SEPTIN4: variants seen among roughly 807,000 people sequenced by gnomAD.
SEPTIN4 encodes septin-4.
In SEPTIN4, 52 loss-of-function variants were observed where a neutral mutation model predicts 107.1. The observed-to-expected ratio is 0.49, with a 90% confidence interval of 0.39 to 0.61. The LOEUF is 0.61. SEPTIN4 is among the 20% of genes least tolerant of loss of function. SEPTIN4 has a pLI of 0.00. For synonymous variants in SEPTIN4, 417 were observed against 467.0 expected, an observed-to-expected ratio of 0.89 and a Z score of 1.38; for missense variants, 1,048 against 1,243.5, an observed-to-expected ratio of 0.84 and a Z score of 2.36.
intron 3 of SEPTIN4, among the ~76,000 whole-genome samples, chr17:58,535,509 T>TTA (rs1233819074): frequency 6.6e-6 from 1 of 152,236 alleles, no homozygotes; most frequent in Non-Finnish European, 1.5e-5. Flanking sequence ...AAAAATTCAC[T>TTA]GATTCTAACA....
At chr17:58,542,056 C>T (rs1281052751) in intron 1 of SEPTIN4, 90 bp from the exon 2 acceptor site, 26 of 1,459,572 alleles carry the variant, frequency 1.8e-5, no homozygotes, top group Non-Finnish European at 2.4e-5. Context: ...TCTAGCTCCA[C>T]ATTTCTCCAC....
At chr17:58,542,021 A>T (rs995683151) in intron 1 of SEPTIN4, 55 bp from the exon 2 acceptor site, 2 of 1,572,066 alleles carry the variant, frequency 1.3e-6, no homozygotes, top group African/African-American at 1.4e-5. Flanking sequence ...TGCACATCCC[A>T]CTCTCCACTA....
At position 58,521,001 on chromosome 17, in the gene SEPTIN4, C is replaced by G. The variant is rs537484468; in HGVS notation, c.2828G>C (p.Arg943Pro). Residue 943 changes from arginine (R) to proline (P), a missense_variant, in exon 12 of 14, where the codon CGC becomes CCC. This residue lies in a region of SEPTIN4 where 261 missense variants were observed against 371.7 expected (regional missense o/e 0.70). Transcript: ENST00000672673. The surrounding 1 kb of genome is among the most constrained non-coding windows in gnomAD (Gnocchi z 6.4). ...TTGTCCTGGCTTCTGGTCATACTTGCGATTCCGTTCCTTCACCACCAGGCG... is the reference window on the plus strand; with the variant it reads ...TTGTCCTGGCTTCTGGTCATACTTGGGATTCCGTTCCTTCACCACCAGGCG... ...MTRLVVKERN[R>P]NKLTRESGTD... 1.2e-6 allele frequency: 2 copies of G among 1,613,854 alleles called. No individual in the cohort carries two copies. The highest frequency in any genetic ancestry group is 2.7e-5 in the African/African-American group (2 of 74,928).
intron 3 of SEPTIN4, among the ~76,000 whole-genome samples, chr17:58,534,904 T>C (rs1268939039): frequency 6.6e-6 from 1 of 152,218 alleles, no homozygotes; most frequent in African/African-American, 2.4e-5. Flanking sequence ...TCAAAGCCGA[T>C]AATAAAGAGC....
At chr17:58,529,531 T>A in intron 3 of SEPTIN4, 1 of 684,990 alleles carries the variant, frequency 1.5e-6, no homozygotes, top group Non-Finnish European at 1.8e-6. Flanking sequence ...TCCCAATGTC[T>A]GTTTGCAGCC....
At chr17:58,525,578 C>CA in intron 6 of SEPTIN4, 117 bp downstream of exon 6, 1 of 881,658 alleles carries the variant, frequency 1.1e-6, no homozygotes, top group East Asian at 2.5e-5. Flanking sequence ...GAGCTGCTGT[C>CA]AGTCTCTCTA....
intron 3 of SEPTIN4, among the ~76,000 whole-genome samples, chr17:58,537,000 T>C (rs1354469585): frequency 6.6e-6 from 1 of 152,230 alleles, no homozygotes. Flanking sequence ...ATGTTGGAGA[T>C]GGGTTTCAGT....
In SEPTIN4 at chr17:58,525,603, C is replaced by A; in HGVS notation, c.2092+92G>T. On this transcript the variant is annotated intron_variant, in intron 6 of 13. Transcript: ENST00000672673. Reference sequence around the variant, plus strand: ...CAGTCTCTCTAGGAGGCCATGGTTTCCTGCATGTGGGGGAGAGCCCCATCC... The same window carrying A: ...CAGTCTCTCTAGGAGGCCATGGTTTACTGCATGTGGGGGAGAGCCCCATCC... 4 of 1,174,658 alleles carry A rather than the reference C, an allele frequency of 3.4e-6. No individual in the cohort carries two copies. The South Asian group carries it at 5.1e-5, about 15-fold the overall frequency. 72.8% of individuals were successfully genotyped at this position (1,174,658 alleles called of 1,614,324 possible). A position where few individuals can be genotyped will look rare whatever the true frequency, so the allele number is the denominator to read the frequency against.
At chr17:58,541,260 T>C (rs1454550269) in intron 2 of SEPTIN4, among the ~76,000 whole-genome samples, 2 of 152,170 alleles carry the variant, frequency 1.3e-5, no homozygotes, top group Non-Finnish European at 2.9e-5. Context: ...TGGGCCACAA[T>C]GCTCACAGCA....
At chr17:58,532,582 C>T (rs2043555013) in intron 3 of SEPTIN4, among the ~76,000 whole-genome samples, 1 of 152,224 alleles carries the variant, frequency 6.6e-6, no homozygotes. Context: ...GGCAGGTTCC[C>T]TTCATGCAGT....
chr17:58,525,338 G>A, intron 6 of SEPTIN4, 137 bp from the exon 7 acceptor site: 1 of 1,070,890 alleles, frequency 9.3e-7, no homozygotes, highest in African/African-American at 1.6e-5. Context: ...GCTGTCTGGG[G>A]GACTGTTCTC....
intron 7 of SEPTIN4, 35 bp downstream of exon 7, chr17:58,525,032 GAAGGGTGGCTC>G (rs2042693907): frequency 1.2e-6 from 2 of 1,612,838 alleles, no homozygotes; most frequent in African/African-American, 2.7e-5. Context: ...TGTGTATGGA[GAAGGGTGGCTC>G]AGGGGCAGCT....
At chr17:58,533,334 C>T (rs1176086649) in intron 3 of SEPTIN4, among the ~76,000 whole-genome samples, 1 of 152,162 alleles carries the variant, frequency 6.6e-6, no homozygotes, top group Admixed American at 6.5e-5. Flanking sequence ...GAGCAACTTA[C>T]TTCACCTGTC....
chr17:58,528,150 G>C, intron 3 of SEPTIN4: 1 of 473,566 alleles, frequency 2.1e-6, no homozygotes, highest in South Asian at 8.9e-5. Flanking sequence ...AGCCAAGCCA[G>C]TGGGGACTAC....
rs535109723 is a variant in SEPTIN4, at chr17:58,535,353, C to T, written c.1614+5313G>A. On this transcript the variant is annotated intron_variant, in intron 3 of 13. Transcript: ENST00000672673. The stretch of plus-strand genomic sequence containing the variant: ...AGCCACTCTGATAGGGCAGACAGTC[C>T]TTCCAACACCCTCCGTGAACAGGGC... Among the ~76,000 whole-genome samples the T allele has an allele frequency of 9.4e-4, 143 of 152,308 alleles. 1 individual carries two copies. The highest frequency in any genetic ancestry group is 3.0e-3 in the African/African-American group (126 of 41,566).
chr17:58,525,917 A>G lies in SEPTIN4; in HGVS notation c.2006-136T>C, dbSNP rs947641505. ...TAGACTAACCAAACTATAGCATTTT[A>G]GAGCTGGGAGGAAGCACAGAGATTG... On this transcript the variant is annotated intron_variant, in intron 5 of 13. Transcript: ENST00000672673. The G allele has an allele frequency of 3.4e-6, 3 of 873,236 alleles. No individual in the cohort carries two copies. The African/African-American group carries it at 5.1e-5, about 15-fold the overall frequency. 54.1% of individuals were successfully genotyped at this position (873,236 alleles called of 1,614,324 possible).
chr17:58,539,166 T>C, intron 3 of SEPTIN4: 1 of 1,534,828 alleles, frequency 6.5e-7, no homozygotes. Context: ...CTTCTTTTCT[T>C]GGCTTCTGGG....
Position 58,543,250 on chromosome 17 carries a change from C to A in SEPTIN4, c.937G>T (p.Val313Leu). Residue 313 changes from valine (V) to leucine (L), a missense_variant, in exon 1 of 14, where the codon GTA becomes TTA. Physicochemically the swap from Val to Leu is conservative, Grantham distance 32. This residue lies in a region of SEPTIN4 where 787 missense variants were observed against 871.8 expected (regional missense o/e 0.90). Coordinates refer to ENST00000672673, the MANE Select transcript of SEPTIN4 (RefSeq NM_001368771.2). Reference protein sequence around the residue: ...PETKPSAKVLVSSQVESNVRT... With the variant: ...PETKPSAKVLLSSQVESNVRT... ...ACGTTGGACTCCACCTGTGATGATA[C>A]TAAGACCTTTGCGGAGGGCTTGGTT... The A allele has an allele frequency of 6.2e-7, 1 of 1,614,130 alleles. No individual in the cohort carries two copies. The highest frequency in any genetic ancestry group is 8.5e-7 in the Non-Finnish European group (1 of 1,180,028).
In SEPTIN4 at chr17:58,521,131, T is replaced by G; in HGVS notation, c.2698A>C (p.Lys900Gln). 1 of 1,614,154 alleles carries G rather than the reference T, an allele frequency of 6.2e-7. No individual in the cohort carries two copies. Residue 900 changes from lysine to glutamine, a missense_variant, in exon 12 of 14, where the codon AAG becomes CAG. Lys to Gln is a moderately conservative substitution (Grantham distance 53, BLOSUM62 1). This residue lies in a region of SEPTIN4 where 261 missense variants were observed against 371.7 expected (regional missense o/e 0.70). Transcript: ENST00000672673. The surrounding 1 kb of genome is among the most constrained non-coding windows in gnomAD (Gnocchi z 6.4). ...GTACGTACCAGCATTGTCCTCAGCT[T>G]CACAAAGTCGCAGTGCCCTGGGTTT... ...VENPGHCDFVKLRTMLVRTHM... is the reference protein window; with the variant it reads ...VENPGHCDFVQLRTMLVRTHM...
Sources: gnomAD v4.1 joint callset for allele counts (sites outside exome capture counted in the v4.1 genomes callset) on GRCh38, gnomAD v4.1.1 for gene constraint, gnomAD v4.1.1 regional missense constraint, Gnocchi (gnomAD v3.1) non-coding constraint, MANE v1.5 for transcripts, NCBI Gene and HGNC (gene_info 2026-07-23, HGNC 2026-07-21) for gene names.